FARS2: variants seen among roughly 807,000 people sequenced by gnomAD.
The protein encoded by FARS2 is phenylalanine--tRNA ligase, mitochondrial.
A neutral mutation model predicts 46.4 loss-of-function variants in FARS2; 40 were observed. The observed-to-expected ratio is 0.86, with a 90% CI of 0.67 to 1.12. FARS2 has a LOEUF of 1.12. FARS2 is among the 50% of genes most tolerant of loss of function. The pLI is 0.00. For missense variants in FARS2, 513 were observed against 567.9 expected (o/e 0.90, Z 0.98); for synonymous variants, 234 against 214.9 (o/e 1.09, Z -0.78).
At chr6:5,260,888 C>G, upstream of FARS2, 1 of 1,406,920 alleles carries the variant, frequency 7.1e-7, no homozygotes, top group South Asian at 1.5e-5. Flanking sequence ...GCGGGCAGCC[C>G]TGCGGATCGC....
At chr6:5,404,122 A>G (rs1761416695) in intron 2 of FARS2, among the ~76,000 whole-genome samples, 1 of 152,196 alleles carries the variant, frequency 6.6e-6, no homozygotes, top group Admixed American at 6.5e-5. Flanking sequence ...CAGGACTAGC[A>G]AATTCCAGCT....
At chr6:5,426,338 C>A (rs1478679521) in intron 3 of FARS2, among the ~76,000 whole-genome samples, 1 of 152,068 alleles carries the variant, frequency 6.6e-6, no homozygotes, top group Non-Finnish European at 1.5e-5. Flanking sequence ...ATATATAACA[C>A]AAAATACGTA....
intron 4 of FARS2, among the ~76,000 whole-genome samples, chr6:5,474,664 T>A (rs1180823954): frequency 9.6e-4 from 28 of 29,204 alleles, no homozygotes; most frequent in African/African-American, 2.9e-3. Flanking sequence ...TACAGTACTG[T>A]TTTTTTTTTT....
In FARS2 at chr6:5,496,419, T is replaced by A. The variant is rs559518537; in HGVS notation, c.905-48761T>A. 2.2e-4 allele frequency among the ~76,000 whole-genome samples: 34 copies of A among 152,332 alleles called. No individual in the cohort carries two copies. The South Asian group carries it at 7.0e-3, about 32-fold the overall frequency. ...AGTGAATTTGCTCTACCTAAAAGCTTGACATCTGTGTAGAGCATACAAGAG... is the reference window on the plus strand; with the variant it reads ...AGTGAATTTGCTCTACCTAAAAGCTAGACATCTGTGTAGAGCATACAAGAG... On this transcript the variant is annotated intron_variant, in intron 4 of 6. Coordinates refer to ENST00000274680, the MANE Select transcript of FARS2 (RefSeq NM_006567.5).
chr6:5,491,054 A>G (rs943511148), intron 4 of FARS2, among the ~76,000 whole-genome samples: 2 of 152,258 alleles, frequency 1.3e-5, no homozygotes, highest in African/African-American at 4.8e-5. Context: ...GATAAGGAAT[A>G]CAAGGAGAGT....
At chr6:5,545,394 T>G in intron 5 of FARS2, 54 bp downstream of exon 5, 1 of 1,350,770 alleles carries the variant, frequency 7.4e-7, no homozygotes, top group Non-Finnish European at 1.0e-6. Flanking sequence ...CTGTCAAGGA[T>G]CGACAGGATC....
intron 2 of FARS2, among the ~76,000 whole-genome samples, chr6:5,381,883 T>C (rs555854265): frequency 6.6e-6 from 1 of 152,142 alleles, no homozygotes; most frequent in Non-Finnish European, 1.5e-5. Flanking sequence ...AAGGGAAAAG[T>C]GGAAAGTCTC....
chr6:5,304,765 A>T (rs1390966296), intron 1 of FARS2, among the ~76,000 whole-genome samples: 1 of 152,248 alleles, frequency 6.6e-6, no homozygotes, highest in Non-Finnish European at 1.5e-5. Flanking sequence ...CATAATGGTC[A>T]TCCATTAGTA....
chr6:5,728,835 G>T (rs1209212967), intron 6 of FARS2, among the ~76,000 whole-genome samples: 3 of 152,170 alleles, frequency 2.0e-5, no homozygotes, highest in East Asian at 1.9e-4. Context: ...CAGCCACTGC[G>T]CTGGCCTCCC....
chr6:5,409,589 A>G (rs1379700567), intron 3 of FARS2, among the ~76,000 whole-genome samples: 2 of 152,194 alleles, frequency 1.3e-5, no homozygotes, highest in Admixed American at 6.5e-5. Context: ...CGATGTTGCT[A>G]TTTTATAAAT....
intron 4 of FARS2, among the ~76,000 whole-genome samples, chr6:5,453,415 G>C (rs1218499862): frequency 6.6e-6 from 1 of 152,190 alleles, no homozygotes; most frequent in Non-Finnish European, 1.5e-5. Context: ...GTGTCTGCAA[G>C]ATAAAAACGT....
At chr6:5,503,405 C>CACAGAG (rs888782982) in intron 4 of FARS2, among the ~76,000 whole-genome samples, 888 of 39,554 alleles carry the variant, frequency 0.022, 3 homozygotes, top group African/African-American at 0.061. Context: ...CACACACACA[C>CACAGAG]AGAGAGAGAG....
intron 6 of FARS2, among the ~76,000 whole-genome samples, chr6:5,658,028 GGGC>G (rs1777681180): frequency 6.6e-6 from 1 of 152,212 alleles, no homozygotes; most frequent in Admixed American, 6.5e-5. Flanking sequence ...AGGCCGAGGT[GGGC>G]GGATCACCTG....
chr6:5,610,534 G>A (rs1775119664), intron 5 of FARS2, among the ~76,000 whole-genome samples: 1 of 152,088 alleles, frequency 6.6e-6, no homozygotes, highest in Non-Finnish European at 1.5e-5. Flanking sequence ...GGTATTATGA[G>A]TAATCTAGAT....
rs9392696 is a variant in FARS2, at chr6:5,564,387, G to A, written c.1065+19047G>A. On this transcript the variant is annotated intron_variant, in intron 5 of 6. Coordinates refer to ENST00000274680, the MANE Select transcript of FARS2 (RefSeq NM_006567.5). ...TGCAAGATAATTGCCCAGAACTAGC[G>A]TATTGATTCACATTTTTATGTTACC... Among the ~76,000 whole-genome samples the A allele has an allele frequency of 5.3e-4, 80 of 152,272 alleles. 2 individuals carry two copies. The highest frequency in any genetic ancestry group is 5.8e-4 in the East Asian group (3 of 5,176).
At chr6:5,686,881 A>T (rs1287189305) in intron 6 of FARS2, among the ~76,000 whole-genome samples, 1 of 152,176 alleles carries the variant, frequency 6.6e-6, no homozygotes, top group Non-Finnish European at 1.5e-5. Flanking sequence ...CTGACTTTTT[A>T]ATGATCGCTA....
At chr6:5,701,160 G>A (rs1012396266) in intron 6 of FARS2, among the ~76,000 whole-genome samples, 32 of 152,242 alleles carry the variant, frequency 2.1e-4, no homozygotes, top group African/African-American at 7.7e-4. Context: ...TGCAGTCACC[G>A]TGGGCGCCAG....
At position 5,613,333 on chromosome 6, in the gene FARS2, C is replaced by A; in HGVS notation, c.1217+13C>A. On this transcript the variant is annotated intron_variant, in intron 6 of 6. Transcript: ENST00000274680. The stretch of plus-strand genomic sequence containing the variant: ...TTGTACATCCAAAGTAAGTGAAAAG[C>A]TTTCTGATTTTACCCTTGACTATCT... 1 of 1,608,134 alleles carries A rather than the reference C, an allele frequency of 6.2e-7. No individual in the cohort carries two copies. The highest frequency in any genetic ancestry group is 1.1e-5 in the South Asian group (1 of 90,072).
chr6:5,469,124 G>T (rs566758430), intron 4 of FARS2, among the ~76,000 whole-genome samples: 1 of 152,316 alleles, frequency 6.6e-6, no homozygotes, highest in Non-Finnish European at 1.5e-5. Context: ...ACAGAAACCA[G>T]TGTTTAGCCA....
Sources: allele counts gnomAD v4.1 joint callset (sites outside exome capture counted in the v4.1 genomes callset), GRCh38; gene constraint gnomAD v4.1.1; transcripts MANE v1.5; gene names NCBI Gene and HGNC (gene_info 2026-07-23, HGNC 2026-07-21).